CFH: variants seen among roughly 807,000 people sequenced by gnomAD.
CFH encodes the protein complement factor H.
CFH carries 53 observed loss-of-function variants against 147.3 expected under a neutral mutation model. The ratio of observed to expected loss-of-function variants is 0.36; its 90% CI spans 0.29 to 0.45. The LOEUF is 0.45. Among genes scored for constraint, CFH ranks in the 20% least tolerant of loss-of-function variants. The pLI is 1.00. For missense variants in CFH, 1,380 were observed against 1,498.0 expected (o/e 0.92, Z 1.30); for synonymous variants, 536 against 489.4 (o/e 1.10, Z -1.26).
intron 6 of CFH, among the ~76,000 whole-genome samples, chr1:196,683,713 A>G (rs1028243152): frequency 6.6e-6 from 1 of 151,838 alleles, no homozygotes; most frequent in African/African-American, 2.4e-5. Flanking sequence ...ACTGAAGACT[A>G]AACTAAAGAC....
chr1:196,719,522 A>G (rs2149105503), intron 11 of CFH, among the ~76,000 whole-genome samples: 1 of 152,102 alleles, frequency 6.6e-6, no homozygotes, highest in Non-Finnish European at 1.5e-5. Flanking sequence ...TTTTAAGAAT[A>G]GTTTTAAATC....
At chr1:196,680,485 G>C (rs1177930863) in intron 6 of CFH, among the ~76,000 whole-genome samples, 1 of 151,854 alleles carries the variant, frequency 6.6e-6, no homozygotes, top group Non-Finnish European at 1.5e-5. Flanking sequence ...GCCAAGAAGA[G>C]AGAATATGGA....
intron 10 of CFH, 147 bp from the exon 11 acceptor site, chr1:196,715,446 A>T: frequency 1.6e-6 from 1 of 639,754 alleles, no homozygotes; most frequent in Non-Finnish European, 2.7e-6. Flanking sequence ...TACGACAACA[A>T]ATTCTCACCA....
In CFH at chr1:196,726,794, T is replaced by C; in HGVS notation, c.2090T>C (p.Leu697Pro). The change falls in exon 14 of 22, where the codon CTT becomes CCT. Residue 697 changes from leucine (L) to proline (P), a missense_variant. Physicochemically the swap from Leu to Pro is moderately conservative, Grantham distance 98. Around this residue, in one of 4 missense-constraint regions of CFH, gnomAD observed 830 missense variants for 821.4 expected, o/e 1.01. Transcript: ENST00000367429. ...EESTCGDIPE[L>P]EHGWAQLSSP... ...AGTACCTGTGGAGATATACCTGAACTTGAACATGGCTGGGCCCAGCTTTCT... is the reference window on the plus strand; with the variant it reads ...AGTACCTGTGGAGATATACCTGAACCTGAACATGGCTGGGCCCAGCTTTCT... The C allele has an allele frequency of 6.2e-7, 1 of 1,613,892 alleles. No individual in the cohort carries two copies. The highest frequency in any genetic ancestry group is 8.5e-7 in the Non-Finnish European group (1 of 1,179,854).
chr1:196,671,491 G>GAAA (rs1486438271), intron 1 of CFH, among the ~76,000 whole-genome samples: 5 of 151,604 alleles, frequency 3.3e-5, no homozygotes, highest in African/African-American at 1.2e-4. Context: ...TTTAGTTTGA[G>GAAA]TCAGTCCCAT....
intron 11 of CFH, among the ~76,000 whole-genome samples, chr1:196,721,814 C>CTTTT (rs33956114): frequency 5.3e-5 from 8 of 150,624 alleles, no homozygotes; most frequent in African/African-American, 1.9e-4. Context: ...AACTTCTTGT[C>CTTTT]TTTTTTTTCT....
At chr1:196,677,700 C>T (rs760944733) in intron 5 of CFH, 33 bp downstream of exon 5, 13 of 1,583,536 alleles carry the variant, frequency 8.2e-6, no homozygotes, top group African/African-American at 2.7e-5. Context: ...GTATTTTTAG[C>T]TTTTTAAATG....
intron 9 of CFH, among the ~76,000 whole-genome samples, chr1:196,694,208 A>G (rs913758114): frequency 9.9e-5 from 15 of 151,500 alleles, no homozygotes; most frequent in African/African-American, 3.6e-4. Context: ...CCCTATGTCC[A>G]TGTGTTCTCA....
intron 1 of CFH, among the ~76,000 whole-genome samples, chr1:196,659,418 A>G (rs1666830293): frequency 1.3e-5 from 2 of 152,190 alleles, no homozygotes; most frequent in South Asian, 4.1e-4. Context: ...TTTGTCCAGT[A>G]AAGAATTCAA....
At position 196,697,323 on chromosome 1, in the gene CFH, AC is replaced by A. The variant is rs1166309217; in HGVS notation, c.1336+7088del. 2.6e-5 allele frequency among the ~76,000 whole-genome samples: 4 copies of A among 152,190 alleles called. No homozygotes were observed. The South Asian group carries it at 6.2e-4, about 24-fold the overall frequency. ...CAAATTTACAAGAAAAAAACAAACA[AC>A]CCCATCAAAAAGTGGGTGAAGGATA... On this transcript the variant is annotated intron_variant, in intron 9 of 21. Transcript: ENST00000367429.
intron 9 of CFH, among the ~76,000 whole-genome samples, chr1:196,697,592 T>C (rs1403857379): frequency 1.3e-5 from 2 of 152,104 alleles, no homozygotes; most frequent in Admixed American, 6.5e-5. Flanking sequence ...GTGGAAGTCA[T>C]TGTCTAGATC....
Position 196,685,131 on chromosome 1 carries a change from T to A in CFH, c.858T>A (p.Thr286=), listed in dbSNP as rs746982840. The part of the protein sequence containing the change: ...DYSPLRIKHR[T]GDEITYQCRN... ...CACCTTTAAGGATTAAACACAGAACTGGAGATGAAATCACGTACCAGTGTA... is the reference window on the plus strand; with the variant it reads ...CACCTTTAAGGATTAAACACAGAACAGGAGATGAAATCACGTACCAGTGTA... The change falls in exon 7 of 22, where the codon ACT becomes ACA. Residue 286 remains threonine (T), a synonymous_variant. Coordinates refer to ENST00000367429, the MANE Select transcript of CFH (RefSeq NM_000186.4). 2.5e-6 allele frequency: 4 copies of A among 1,612,786 alleles called. No homozygotes were observed. The highest frequency in any genetic ancestry group is 2.5e-6 in the Non-Finnish European group (3 of 1,179,168).
intron 6 of CFH, among the ~76,000 whole-genome samples, chr1:196,683,709 GACTAA>G (rs1177083939): frequency 6.6e-6 from 1 of 151,688 alleles, no homozygotes; most frequent in East Asian, 1.9e-4. Flanking sequence ...TACCACTGAA[GACTAA>G]ACTAAAGACT....
chr1:196,656,309 G>GAAAAAAAAAAA (rs111440999), intron 1 of CFH, among the ~76,000 whole-genome samples: 1 of 84,978 alleles, frequency 1.2e-5, no homozygotes, highest in Non-Finnish European at 3.0e-5. Flanking sequence ...ATCTCAAAAA[G>GAAAAAAAAAAA]AAAAAAAAAA....
At chr1:196,670,369 T>G (rs1308556837) in intron 1 of CFH, among the ~76,000 whole-genome samples, 1 of 152,144 alleles carries the variant, frequency 6.6e-6, no homozygotes, top group Non-Finnish European at 1.5e-5. Context: ...GGTTAGGCTC[T>G]GTGTCCCTAC....
intron 10 of CFH, among the ~76,000 whole-genome samples, chr1:196,714,703 A>AGG (rs1558173573): frequency 1.6e-4 from 20 of 128,800 alleles, no homozygotes; most frequent in African/African-American, 2.9e-4. Flanking sequence ...AGAGAGAGAG[A>AGG]GAGAGAGAGA....
intron 9 of CFH, among the ~76,000 whole-genome samples, chr1:196,694,405 T>A (rs148310644): frequency 0.014 from 2,067 of 152,338 alleles, 44 homozygotes; most frequent in African/African-American, 0.044. Flanking sequence ...AGTCTATCAT[T>A]GATGGGCATT....
At position 196,679,771 on chromosome 1, in the gene CFH, G is replaced by A; in HGVS notation, c.768G>A (p.Trp256Ter). 2 of 1,611,134 alleles carry A rather than the reference G, an allele frequency of 1.2e-6. No individual in the cohort carries two copies. Among genetic ancestry groups the A allele is most frequent in the Admixed American group, 1.7e-5 (1 of 59,790 alleles). Reference protein sequence around the residue: ...RGDAVCTESGWRPLPSCEEKS... With the variant: ...RGDAVCTESG ...ATGCTGTATGCACTGAATCTGGATG[G>A]CGTCCGTTGCCTTCATGTGAAGGTA... Residue 256 changes from tryptophan to a stop codon, truncating the protein, a stop_gained, in exon 6 of 22, where the codon TGG (tryptophan) becomes TGA (stop). Transcript: ENST00000367429. LOFTEE classifies it high-confidence loss of function.
At chr1:196,693,763 T>C (rs1017120457) in intron 9 of CFH, among the ~76,000 whole-genome samples, 19 of 152,146 alleles carry the variant, frequency 1.2e-4, no homozygotes, top group African/African-American at 4.6e-4. Flanking sequence ...AACACCTTTT[T>C]TTATTGCTAA....
Sources: allele counts gnomAD v4.1 joint callset (sites outside exome capture counted in the v4.1 genomes callset), GRCh38; gene constraint gnomAD v4.1.1; regional missense constraint gnomAD v4.1.1; transcripts MANE v1.5; gene names NCBI Gene and HGNC (gene_info 2026-07-23, HGNC 2026-07-21).